Variants in IRAG1 observed in about 807,000 individuals in gnomAD.
IRAG1 encodes the protein IP3R-associated cGMP kinase substrate.
In IRAG1, 62 loss-of-function variants were observed where a neutral mutation model predicts 106.2. That is an observed-to-expected ratio of 0.58 (90% CI 0.48 to 0.72). IRAG1 has a LOEUF of 0.72. Ranked by LOEUF, IRAG1 falls within the 30% of genes least tolerant of loss-of-function variation. The pLI, the probability that IRAG1 is intolerant of heterozygous loss-of-function variation, is 0.00. For synonymous variants in IRAG1, 462 were observed against 443.9 expected (o/e 1.04, Z -0.51); for missense variants, 1,064 against 1,140.7 (o/e 0.93, Z 0.97).
intron 1 of IRAG1, chr11:10,690,456 G>A: frequency 7.9e-7 from 1 of 1,265,280 alleles, no homozygotes; most frequent in Non-Finnish European, 1.0e-6. Flanking sequence ...AGAAGGCAGG[G>A]CTTGTCCAGG....
Position 10,591,555 on chromosome 11 carries a change from A to G in IRAG1, c.2233T>C (p.Leu745=). 6.3e-7 allele frequency: 1 copy of G among 1,594,614 alleles called. No individual in the cohort carries two copies. The highest frequency in any genetic ancestry group is 1.1e-5 in the South Asian group (1 of 87,350). ...GAAAATCGACAAACTTACTTTTCCA[A>G]AAGTGCAGGCAGTGCTGAAGTGACA... is the stretch of plus-strand genomic sequence containing the variant. ...LPVTSALPAL[L]ENGKTNGDPD... Residue 745 remains leucine, a synonymous_variant, in exon 18 of 21, where the codon TTG becomes CTG. Coordinates refer to ENST00000423302, the MANE Select transcript of IRAG1 (RefSeq NM_130385.4).
At chr11:10,660,849 C>T (rs2135010215) in intron 1 of IRAG1, among the ~76,000 whole-genome samples, 1 of 152,324 alleles carries the variant, frequency 6.6e-6, no homozygotes, top group South Asian at 2.1e-4. Context: ...CCTCCACATT[C>T]AATTAGATGA....
chr11:10,680,524 A>G lies in IRAG1; in HGVS notation c.67+13012T>C, dbSNP rs930064796. ...GAGAGAAAGGGAAAAAGAAAGGAAGAAAGGAAGGAAGGAAGGGGAAGGGGA... is the reference window on the plus strand; with the variant it reads ...GAGAGAAAGGGAAAAAGAAAGGAAGGAAGGAAGGAAGGAAGGGGAAGGGGA... On this transcript the variant is annotated intron_variant, in intron 1 of 20. Coordinates refer to ENST00000423302, the MANE Select transcript of IRAG1 (RefSeq NM_130385.4). Among the ~76,000 whole-genome samples, 466 of 139,088 alleles carry G rather than the reference A, an allele frequency of 3.4e-3. 3 individuals are homozygous for G. Among genetic ancestry groups the G allele is most frequent in the African/African-American group, 0.011 (390 of 34,144 alleles). The allele number at this position is 139,088 out of a possible 152,430, so 91.2% of individuals were successfully genotyped here. A position where few individuals can be genotyped will look rare whatever the true frequency, so the allele number is the denominator to read the frequency against.
intron 1 of IRAG1, among the ~76,000 whole-genome samples, chr11:10,682,805 T>C (rs1257743029): frequency 1.3e-5 from 2 of 152,226 alleles, no homozygotes; most frequent in Non-Finnish European, 1.5e-5. Flanking sequence ...CCTTCTTTAG[T>C]AAGAACCCCT....
intron 2 of IRAG1, among the ~76,000 whole-genome samples, chr11:10,634,790 C>T (rs914841457): frequency 3.3e-5 from 2 of 61,016 alleles, no homozygotes; most frequent in Non-Finnish European, 6.7e-5. Context: ...TGTGTGTATA[C>T]AGACACAATA....
intron 2 of IRAG1, among the ~76,000 whole-genome samples, chr11:10,643,044 G>A (rs1280696340): frequency 2.6e-5 from 4 of 151,974 alleles, no homozygotes; most frequent in African/African-American, 7.2e-5. Context: ...GCATGGTGGC[G>A]GGCACCTGTA....
At position 10,626,520 on chromosome 11, in the gene IRAG1, G is replaced by A. The variant is rs1212688104; in HGVS notation, c.814C>T (p.Leu272=). ...TCAACTGGAGGAGGACGAGGAGCCA[G>A]CCTGCCCTGAGACACTTTCCTCTGG... ...NDQRKVSQGR[L]APRPPPVEKS... Residue 272 remains leucine, a synonymous_variant, in exon 9 of 21, where the codon CTG becomes TTG. Transcript: ENST00000423302. The A allele has an allele frequency of 6.2e-7, 1 of 1,613,464 alleles. No homozygotes were observed. Among genetic ancestry groups the A allele is most frequent in the East Asian group, 2.2e-5 (1 of 44,882 alleles).
At chr11:10,621,862 A>G (rs1210701941) in intron 10 of IRAG1, among the ~76,000 whole-genome samples, 2 of 152,222 alleles carry the variant, frequency 1.3e-5, no homozygotes, top group Non-Finnish European at 2.9e-5. Context: ...AAAAGGACAG[A>G]TACTGTATGA....
intron 1 of IRAG1, among the ~76,000 whole-genome samples, chr11:10,683,337 G>C (rs1861412471): frequency 6.8e-6 from 1 of 148,070 alleles, no homozygotes; most frequent in Non-Finnish European, 1.5e-5. Flanking sequence ...CATAAAATGT[G>C]TATGCGGCTT....
At chr11:10,625,271 G>C (rs1243203131) in intron 9 of IRAG1, among the ~76,000 whole-genome samples, 1 of 152,170 alleles carries the variant, frequency 6.6e-6, no homozygotes, top group African/African-American at 2.4e-5. Context: ...AGGTGCCTTG[G>C]TTTATATTCC....
chr11:10,584,736 A>G (rs116603505), intron 18 of IRAG1, among the ~76,000 whole-genome samples: 2,396 of 152,004 alleles, frequency 0.016, 71 homozygotes, highest in African/African-American at 0.056. Flanking sequence ...CCAGCTCCAA[A>G]ACATGCAAAT....
chr11:10,597,956 C>T (rs539757769), intron 15 of IRAG1, among the ~76,000 whole-genome samples: 22 of 152,354 alleles, frequency 1.4e-4, no homozygotes, highest in Admixed American at 7.2e-4. Flanking sequence ...TGCATCATCA[C>T]TGCTGTCACT....
In IRAG1 at chr11:10,668,552, A is replaced by C. The variant is rs568785945; in HGVS notation, c.68-16370T>G. 2.0e-5 allele frequency among the ~76,000 whole-genome samples: 3 copies of C among 152,352 alleles called. No individual in the cohort carries two copies. The East Asian group carries it at 5.8e-4, about 29-fold the overall frequency. ...TATTGTCTATGGCTGTTTTCATGCT[A>C]TGAGGGCAATTGAGTAGTTGAGGCA... On this transcript the variant is annotated intron_variant, in intron 1 of 20. Coordinates refer to ENST00000423302, the MANE Select transcript of IRAG1 (RefSeq NM_130385.4).
At chr11:10,677,824 T>C (rs1399927863) in intron 1 of IRAG1, among the ~76,000 whole-genome samples, 1 of 152,222 alleles carries the variant, frequency 6.6e-6, no homozygotes, top group Non-Finnish European at 1.5e-5. Context: ...GAATCTGCTT[T>C]CTGTCCCTGT....
At chr11:10,599,876 A>G (rs1184309506) in intron 15 of IRAG1, 2 of 152,114 alleles carry the variant, frequency 1.3e-5, no homozygotes, top group African/African-American at 4.8e-5. Flanking sequence ...TATATTGTCC[A>G]CTGAAGTCAG....
rs78223683 is a variant in IRAG1, at chr11:10,610,355, A to C, written c.1448-504T>G. 1.9e-3 allele frequency among the ~76,000 whole-genome samples: 284 copies of C among 152,368 alleles called. 1 individual carries two copies. The highest frequency in any genetic ancestry group is 6.5e-3 in the African/African-American group (272 of 41,602). ...ATAAGAGATTTTCCAGAGTAAACCTAAGGTTGCTAGATCTTTTACAGATCT... is the reference window on the plus strand; with the variant it reads ...ATAAGAGATTTTCCAGAGTAAACCTCAGGTTGCTAGATCTTTTACAGATCT... On this transcript the variant is annotated intron_variant, in intron 10 of 20. Coordinates refer to ENST00000423302, the MANE Select transcript of IRAG1 (RefSeq NM_130385.4).
intron 1 of IRAG1, among the ~76,000 whole-genome samples, chr11:10,669,741 C>T (rs1860071759): frequency 6.6e-6 from 1 of 152,154 alleles, no homozygotes; most frequent in Non-Finnish European, 1.5e-5. Context: ...CCCCCTTACC[C>T]TTCACCCTCC....
At chr11:10,618,914 A>T (rs983991337) in intron 10 of IRAG1, among the ~76,000 whole-genome samples, 1 of 152,076 alleles carries the variant, frequency 6.6e-6, no homozygotes, top group African/African-American at 2.4e-5. Flanking sequence ...CCTTCTAGAG[A>T]TCCCTGCGGC....
chr11:10,593,661 G>A, intron 16 of IRAG1, 62 bp from the exon 17 acceptor site: 1 of 1,316,042 alleles, frequency 7.6e-7, no homozygotes, highest in Admixed American at 1.9e-5. Flanking sequence ...TAGTTCAGAA[G>A]GGCTGGGAAA....
Sources: gnomAD v4.1 joint callset for allele counts (sites outside exome capture counted in the v4.1 genomes callset) on GRCh38, gnomAD v4.1.1 for gene constraint, MANE v1.5 for transcripts, NCBI Gene and HGNC (gene_info 2026-07-23, HGNC 2026-07-21) for gene names.